The following IFT43 variants were observed in gnomAD, a reference collection of about 807,000 sequenced individuals.
IFT43 encodes intraflagellar transport protein 43 homolog.
IFT43 carries 33 observed loss-of-function variants against 32.3 expected under a neutral mutation model. The ratio of observed to expected loss-of-function variants is 1.02; its 90% CI spans 0.77 to 1.37. IFT43 has a LOEUF of 1.37. Among genes scored for constraint, IFT43 ranks in the 40% most tolerant of loss-of-function variants. IFT43 has a pLI of 0.00. For missense variants in IFT43, 274 were observed against 265.9 expected, an observed-to-expected ratio of 1.03 and a Z score of -0.21; for synonymous variants, 93 against 98.2, an observed-to-expected ratio of 0.95 and a Z score of 0.31.
At chr14:76,015,146 TATTA>T (rs140302354) in intron 2 of IFT43, among the ~76,000 whole-genome samples, 2,308 of 152,284 alleles carry the variant, frequency 0.015, 63 homozygotes, top group African/African-American at 0.052. Context: ...TGGTAATAGT[TATTA>T]ATTAAGTCCG....
At chr14:76,059,401 G>A (rs1223031999) in intron 5 of IFT43, 28 bp downstream of exon 5, 5 of 1,610,168 alleles carry the variant, frequency 3.1e-6, no homozygotes, top group Middle Eastern at 1.6e-4. Context: ...GAAGTCAAAA[G>A]GTCTTCTAGA....
At chr14:76,054,240 A>T (rs2036968984) in intron 3 of IFT43, among the ~76,000 whole-genome samples, 1 of 152,186 alleles carries the variant, frequency 6.6e-6, no homozygotes, top group Admixed American at 6.5e-5. Context: ...ACTGTTGAAG[A>T]ATGACTAATT....
chr14:75,989,869 A>G (rs2035603730), intron 2 of IFT43, among the ~76,000 whole-genome samples: 1 of 152,228 alleles, frequency 6.6e-6, no homozygotes, highest in East Asian at 1.9e-4. Context: ...CGGGTACCTG[A>G]CATGGACACA....
intron 3 of IFT43, among the ~76,000 whole-genome samples, chr14:76,036,973 C>T (rs539276444): frequency 8.0e-5 from 12 of 150,432 alleles, no homozygotes; most frequent in East Asian, 4.0e-4. Flanking sequence ...GACAGGTGCA[C>T]GCCACCATGC....
intron 3 of IFT43, among the ~76,000 whole-genome samples, chr14:76,034,481 G>A (rs2036564072): frequency 6.6e-6 from 1 of 152,150 alleles, no homozygotes; most frequent in Admixed American, 6.5e-5. Flanking sequence ...TCAGTCCGTA[G>A]CAGCACCTTA....
intron 2 of IFT43, among the ~76,000 whole-genome samples, chr14:76,002,062 A>G (rs1212580834): frequency 6.6e-6 from 1 of 152,192 alleles, no homozygotes; most frequent in Non-Finnish European, 1.5e-5. Context: ...AGCCTGACCA[A>G]CATGGTGAAA....
chr14:76,053,287 C>T (rs1260815124), intron 3 of IFT43, among the ~76,000 whole-genome samples: 1 of 152,008 alleles, frequency 6.6e-6, no homozygotes, highest in Non-Finnish European at 1.5e-5. Context: ...GGGGAAGGGA[C>T]AGCACAAAGG....
intron 2 of IFT43, among the ~76,000 whole-genome samples, chr14:75,991,614 C>G (rs926476704): frequency 8.5e-5 from 13 of 152,098 alleles, no homozygotes; most frequent in Admixed American, 8.5e-4. Context: ...CCTTGGCTCC[C>G]ATGTGAGAAT....
At chr14:76,003,484 G>C (rs1349206344) in intron 2 of IFT43, among the ~76,000 whole-genome samples, 1 of 151,850 alleles carries the variant, frequency 6.6e-6, no homozygotes, top group African/African-American at 2.4e-5. Flanking sequence ...AAATTAGCTG[G>C]GCGTGGTGAC....
At position 76,014,963 on chromosome 14, in the gene IFT43, C is replaced by T. The variant is rs978824999; in HGVS notation, c.148-7364C>T. ...TCAGATTAAGCCTGACATCCAATTA[C>T]GTGGATTTCGTACAGGCCTGATACA... is the stretch of plus-strand genomic sequence containing the variant. On this transcript the variant is annotated intron_variant, in intron 2 of 8. Coordinates refer to ENST00000314067, the MANE Select transcript of IFT43 (RefSeq NM_001102564.3). 5.3e-5 allele frequency among the ~76,000 whole-genome samples: 8 copies of T among 152,176 alleles called. No homozygotes were observed. In the East Asian group the frequency reaches 1.2e-3, roughly 22 times the overall value.
At chr14:76,061,319 G>A (rs1462827986) in intron 5 of IFT43, among the ~76,000 whole-genome samples, 3 of 152,116 alleles carry the variant, frequency 2.0e-5, no homozygotes, top group African/African-American at 4.8e-5. Flanking sequence ...ATATGCCTTG[G>A]TGTGGTTTTC....
chr14:76,067,579 CAA>C (rs34499028), intron 5 of IFT43, among the ~76,000 whole-genome samples: 5 of 135,976 alleles, frequency 3.7e-5, no homozygotes, highest in Admixed American at 7.3e-5. Context: ...GAGACTCTCT[CAA>C]AAAAAAAAAA....
At position 76,065,592 on chromosome 14, in the gene IFT43, A is replaced by G. The variant is rs936586746; in HGVS notation, c.295+6219A>G. Among the ~76,000 whole-genome samples, 27 of 151,446 alleles carry G rather than the reference A, an allele frequency of 1.8e-4. 1 individual carries two copies. Among genetic ancestry groups the G allele is most frequent in the Admixed American group, 1.4e-3 (21 of 15,216 alleles). Reference sequence around the variant, plus strand: ...TCTAGAATTTTATATAAATGACAGCATAAGTATTTACTCTTTTGCACCTGG... The same window carrying G: ...TCTAGAATTTTATATAAATGACAGCGTAAGTATTTACTCTTTTGCACCTGG... On this transcript the variant is annotated intron_variant, in intron 5 of 8. Transcript: ENST00000314067.
At chr14:76,013,537 C>T (rs78877699) in intron 2 of IFT43, 2,190 of 159,970 alleles carry the variant, frequency 0.014, 55 homozygotes, top group African/African-American at 0.049. Flanking sequence ...TTTTGAAATG[C>T]GGATAACTAG....
In IFT43 at chr14:75,991,263, G is replaced by A. The variant is rs1376350797; in HGVS notation, c.147+2286G>A. Among the ~76,000 whole-genome samples the A allele has an allele frequency of 5.9e-5, 9 of 151,822 alleles. No individual in the cohort carries two copies. The East Asian group carries it at 1.3e-3, about 23-fold the overall frequency. On this transcript the variant is annotated intron_variant, in intron 2 of 8. Coordinates refer to ENST00000314067, the MANE Select transcript of IFT43 (RefSeq NM_001102564.3). ...GGAAAATTGCTTGAACCCGGGAGGCGGAGGTTGCAGTGAGCTGAGATCTTG... is the reference window on the plus strand; with the variant it reads ...GGAAAATTGCTTGAACCCGGGAGGCAGAGGTTGCAGTGAGCTGAGATCTTG...
intron 5 of IFT43, among the ~76,000 whole-genome samples, chr14:76,073,591 A>G (rs1415090118): frequency 6.6e-6 from 1 of 152,094 alleles, no homozygotes; most frequent in Non-Finnish European, 1.5e-5. Flanking sequence ...GTGTGTGCGC[A>G]TGTGCACACA....
rs1012528454 is a variant in IFT43, at chr14:75,986,053, A to G, written c.54+213A>G. On this transcript the variant is annotated intron_variant, in intron 1 of 8. Transcript: ENST00000314067. ...GGTTTGCTTTCTTTAAAATCCTCAG[A>G]AAGTAGAAAACACCCTGTCCCCGCC... is the stretch of plus-strand genomic sequence containing the variant. 6 of 1,514,184 alleles carry G rather than the reference A, an allele frequency of 4.0e-6. No individual in the cohort carries two copies. The African/African-American group carries it at 8.3e-5, about 21-fold the overall frequency. The allele number at this position is 1,514,184 out of a possible 1,614,324, so 93.8% of individuals were successfully genotyped here. A position where few individuals can be genotyped will look rare whatever the true frequency, so the allele number is the denominator to read the frequency against.
rs956414553 is a variant in IFT43, at chr14:76,062,008, T to C, written c.295+2635T>C. 6.6e-5 allele frequency among the ~76,000 whole-genome samples: 10 copies of C among 152,254 alleles called. No individual in the cohort carries two copies. The East Asian group carries it at 1.9e-3, about 29-fold the overall frequency. On this transcript the variant is annotated intron_variant, in intron 5 of 8. Transcript: ENST00000314067. Reference sequence around the variant, plus strand: ...TTCTTTTGCTGCTAATTCCATTATATCTGTCTTTTCTGAGTCTGTTTCTAT... The same window carrying C: ...TTCTTTTGCTGCTAATTCCATTATACCTGTCTTTTCTGAGTCTGTTTCTAT...
chr14:76,025,047 AT>A (rs1171277575), intron 3 of IFT43, among the ~76,000 whole-genome samples: 5 of 152,208 alleles, frequency 3.3e-5, no homozygotes, highest in Non-Finnish European at 7.4e-5. Flanking sequence ...AAATCATTTC[AT>A]TCCTTAATCT....
Sources: gnomAD v4.1 joint callset for allele counts (sites outside exome capture counted in the v4.1 genomes callset) on GRCh38, gnomAD v4.1.1 for gene constraint, MANE v1.5 for transcripts, NCBI Gene and HGNC (gene_info 2026-07-23, HGNC 2026-07-21) for gene names.